KIRREL3: variants seen among roughly 807,000 people sequenced by gnomAD.
KIRREL3 encodes kin of IRRE-like protein 3.
KIRREL3 carries 36 observed loss-of-function variants against 89.7 expected under a neutral mutation model. That is an observed-to-expected ratio of 0.40 (90% CI 0.31 to 0.53). The LOEUF (loss-of-function observed/expected upper bound fraction) is 0.53, where lower values mean the gene tolerates loss of function less well. KIRREL3 is among the 20% of genes least tolerant of loss of function. The pLI, the probability that KIRREL3 is intolerant of heterozygous loss-of-function variation, is 0.49. For missense variants in KIRREL3, 864 were observed against 1,056.6 expected, an observed-to-expected ratio of 0.82 and a Z score of 2.53; for synonymous variants, 445 against 441.4, an observed-to-expected ratio of 1.01 and a Z score of -0.10.
rs1170219377 is a variant in KIRREL3, at chr11:126,814,661, C to T, written c.55+185794G>A. Among the ~76,000 whole-genome samples, 1 of 152,174 alleles carries T rather than the reference C, an allele frequency of 6.6e-6. No individual in the cohort carries two copies. Among genetic ancestry groups the T allele is most frequent in the Non-Finnish European group, 1.5e-5 (1 of 68,038 alleles). On this transcript the variant is annotated intron_variant, in intron 1 of 16. Transcript: ENST00000525144. The surrounding 1 kb of genome is among the most constrained non-coding windows in gnomAD (Gnocchi z 4.4). ...GAAGCCATTATCCTCAGTAAACTAA[C>T]ACAGGAACAGAAAACCAAACACTGC...
rs573711210 is a variant in KIRREL3, at chr11:126,917,085, T to C, written c.55+83370A>G. ...CTAACAGATGAATGCAAACACAAAATATGATATAGTCACACAATGGAATAT... is the reference window on the plus strand; with the variant it reads ...CTAACAGATGAATGCAAACACAAAACATGATATAGTCACACAATGGAATAT... On this transcript the variant is annotated intron_variant, in intron 1 of 16. Transcript: ENST00000525144. This position sits in a 1 kb window ranked among gnomAD's most constrained non-coding sequence, Gnocchi z 5.0. Among the ~76,000 whole-genome samples the C allele has an allele frequency of 2.7e-4, 41 of 152,272 alleles. 1 individual carries two copies. The South Asian group carries it at 8.3e-3, about 31-fold the overall frequency.
intron 7 of KIRREL3, among the ~76,000 whole-genome samples, chr11:126,451,313 T>TTA (rs1165147958): frequency 1.9e-4 from 21 of 109,890 alleles, no homozygotes; most frequent in African/African-American, 5.8e-4. Context: ...TGTGTGTGCA[T>TTA]GTGGTTGTGT....
rs564720252 is a variant in KIRREL3, at chr11:126,643,223, T to C, written c.56-80311A>G. Among the ~76,000 whole-genome samples, 2 of 152,342 alleles carry C rather than the reference T, an allele frequency of 1.3e-5. No homozygotes were observed. Among genetic ancestry groups the C allele is most frequent in the South Asian group, 2.1e-4 (1 of 4,828 alleles). Reference sequence around the variant, plus strand: ...TGGTATCTATTTCATAGGGTTAACATGGGAATTAAAGAAGATAATGCATAT... The same window carrying C: ...TGGTATCTATTTCATAGGGTTAACACGGGAATTAAAGAAGATAATGCATAT... On this transcript the variant is annotated intron_variant, in intron 1 of 16. Transcript: ENST00000525144. The surrounding 1 kb of genome is among the most constrained non-coding windows in gnomAD (Gnocchi z 4.5).
At chr11:126,840,491 C>T (rs961075587) in intron 1 of KIRREL3, among the ~76,000 whole-genome samples, 2 of 152,140 alleles carry the variant, frequency 1.3e-5, no homozygotes, top group African/African-American at 4.8e-5. Flanking sequence ...TATAAACTTC[C>T]TCCAAAAGGC....
In KIRREL3 at chr11:126,491,745, A is replaced by G. The variant is rs1409857574; in HGVS notation, c.434-18279T>C. 6.6e-6 allele frequency among the ~76,000 whole-genome samples: 1 copy of G among 151,674 alleles called. No individual in the cohort carries two copies. The highest frequency in any genetic ancestry group is 1.5e-5 in the Non-Finnish European group (1 of 67,960). On this transcript the variant is annotated intron_variant, in intron 4 of 16. Coordinates refer to ENST00000525144, the MANE Select transcript of KIRREL3 (RefSeq NM_032531.4). This position sits in a 1 kb window ranked among gnomAD's most constrained non-coding sequence, Gnocchi z 5.5. ...TATACGGAGTCTTGCTCTGTCACCCAAGCTGGAGTTCAGTGGCATGATCTC... is the reference window on the plus strand; with the variant it reads ...TATACGGAGTCTTGCTCTGTCACCCGAGCTGGAGTTCAGTGGCATGATCTC...
chr11:126,557,756 AG>A lies in KIRREL3; in HGVS notation c.133+5078del, dbSNP rs1215550527. On this transcript the variant is annotated intron_variant, in intron 2 of 16. Coordinates refer to ENST00000525144, the MANE Select transcript of KIRREL3 (RefSeq NM_032531.4). The surrounding 1 kb of genome is among the most constrained non-coding windows in gnomAD (Gnocchi z 5.6). ...CTCCCAGGGCTCTGACTCCCCTGTA[AG>A]GCTGGGAAGTGAGGACAGGTGCTGT... Among the ~76,000 whole-genome samples the A allele has an allele frequency of 6.6e-6, 1 of 152,304 alleles. No individual in the cohort carries two copies. Among genetic ancestry groups the A allele is most frequent in the East Asian group, 1.9e-4 (1 of 5,174 alleles).
chr11:126,558,548 G>C lies in KIRREL3; in HGVS notation c.133+4287C>G, dbSNP rs1235426796. Among the ~76,000 whole-genome samples, 1 of 152,144 alleles carries C rather than the reference G, an allele frequency of 6.6e-6. No homozygotes were observed. The highest frequency in any genetic ancestry group is 2.4e-5 in the African/African-American group (1 of 41,426). On this transcript the variant is annotated intron_variant, in intron 2 of 16. Transcript: ENST00000525144. This position sits in a 1 kb window ranked among gnomAD's most constrained non-coding sequence, Gnocchi z 4.0. ...TTCCAGCCACTTCATATGGGCCCCG[G>C]GCAAGTTGCTGCATGCTCTTGGGCC...
At chr11:126,472,928 T>C in intron 5 of KIRREL3, among the ~76,000 whole-genome samples, 1 of 104,776 alleles carries the variant, frequency 9.5e-6, no homozygotes, top group Non-Finnish European at 1.9e-5. Context: ...CAGCCCCCAT[T>C]ATCCCCCCTC....
rs532261705 is a variant in KIRREL3 at position 126,748,558 on chromosome 11, T to C, written c.56-185646A>G. ...CAAGTGCTTAGGCAGGGACCATTAA[T>C]ATTGTTGAAGGGCAAGGGCGGGGCA... On this transcript the variant is annotated intron_variant, in intron 1 of 16. Coordinates refer to ENST00000525144, the MANE Select transcript of KIRREL3 (RefSeq NM_032531.4). This position sits in a 1 kb window ranked among gnomAD's most constrained non-coding sequence, Gnocchi z 4.6. 6.6e-6 allele frequency among the ~76,000 whole-genome samples: 1 copy of C among 152,172 alleles called. No individual in the cohort carries two copies. Among genetic ancestry groups the C allele is most frequent in the South Asian group, 2.1e-4 (1 of 4,804 alleles).
rs1012623949 is a variant in KIRREL3, at chr11:126,867,951, A to G, written c.55+132504T>C. ...GAGCTAGACATGCAATAGGCATTCA[A>G]TATAAACTTGATCATTCATTGATTG... is the stretch of plus-strand genomic sequence containing the variant. On this transcript the variant is annotated intron_variant, in intron 1 of 16. Transcript: ENST00000525144. The surrounding 1 kb of genome is among the most constrained non-coding windows in gnomAD (Gnocchi z 4.7). Among the ~76,000 whole-genome samples the G allele has an allele frequency of 2.0e-5, 3 of 151,834 alleles. No individual in the cohort carries two copies. The highest frequency in any genetic ancestry group is 2.9e-5 in the Non-Finnish European group (2 of 67,986).
chr11:126,772,591 G>A lies in KIRREL3; in HGVS notation c.56-209679C>T, dbSNP rs1393796625. Among the ~76,000 whole-genome samples, 5 of 152,176 alleles carry A rather than the reference G, an allele frequency of 3.3e-5. No individual in the cohort carries two copies. The highest frequency in any genetic ancestry group is 4.8e-5 in the African/African-American group (2 of 41,450). On this transcript the variant is annotated intron_variant, in intron 1 of 16. Coordinates refer to ENST00000525144, the MANE Select transcript of KIRREL3 (RefSeq NM_032531.4). The surrounding 1 kb of genome is among the most constrained non-coding windows in gnomAD (Gnocchi z 4.6). ...GGAAGGGCAGATGAGCAGAATCAAC[G>A]TGGGCAGGAAAGAGCAAAGGCAAGT...
Position 126,587,064 on chromosome 11 carries a change from G to T in KIRREL3, c.56-24152C>A, listed in dbSNP as rs1392924181. Among the ~76,000 whole-genome samples the T allele has an allele frequency of 2.0e-5, 3 of 152,168 alleles. No individual in the cohort carries two copies. ...CAGGGAGCTGGGAGTCAGTGGGAGA[G>T]ATGAATAAACAGGCAACGACGATGC... On this transcript the variant is annotated intron_variant, in intron 1 of 16. Coordinates refer to ENST00000525144, the MANE Select transcript of KIRREL3 (RefSeq NM_032531.4). This position sits in a 1 kb window ranked among gnomAD's most constrained non-coding sequence, Gnocchi z 5.2.
chr11:126,617,321 T>C (rs1267367545), intron 1 of KIRREL3, among the ~76,000 whole-genome samples: 3 of 152,178 alleles, frequency 2.0e-5, no homozygotes, highest in Non-Finnish European at 4.4e-5. Context: ...CTTATAACTC[T>C]GAGGGGCAGG....
intron 1 of KIRREL3, among the ~76,000 whole-genome samples, chr11:126,725,941 G>A (rs555754520): frequency 6.6e-6 from 1 of 152,356 alleles, no homozygotes; most frequent in Admixed American, 6.5e-5. Context: ...GGTGATGTAA[G>A]TTTTCCAATC....
chr11:126,897,146 C>G lies in KIRREL3; in HGVS notation c.55+103309G>C, dbSNP rs1023447469. Among the ~76,000 whole-genome samples the G allele has an allele frequency of 6.6e-6, 1 of 152,150 alleles. No individual in the cohort carries two copies. Among genetic ancestry groups the G allele is most frequent in the Non-Finnish European group, 1.5e-5 (1 of 68,038 alleles). ...AACTCCACAACTAAAGCAAACCCTTCTGGTCACCCTGGGTCAGAGGAGCAC... is the reference window on the plus strand; with the variant it reads ...AACTCCACAACTAAAGCAAACCCTTGTGGTCACCCTGGGTCAGAGGAGCAC... On this transcript the variant is annotated intron_variant, in intron 1 of 16. Transcript: ENST00000525144. This position sits in a 1 kb window ranked among gnomAD's most constrained non-coding sequence, Gnocchi z 4.2.
chr11:126,637,589 G>T (rs1944316182), intron 1 of KIRREL3, among the ~76,000 whole-genome samples: 1 of 152,188 alleles, frequency 6.6e-6, no homozygotes, highest in African/African-American at 2.4e-5. Context: ...AGAAAAAAAT[G>T]ACTCATCTAA....
At position 126,694,308 on chromosome 11, in the gene KIRREL3, ATC is replaced by A. The variant is rs958382313; in HGVS notation, c.56-131398_56-131397del. Among the ~76,000 whole-genome samples the A allele has an allele frequency of 3.3e-5, 5 of 152,220 alleles. No homozygotes were observed. Among genetic ancestry groups the A allele is most frequent in the African/African-American group, 4.8e-5 (2 of 41,466 alleles). On this transcript the variant is annotated intron_variant, in intron 1 of 16. Transcript: ENST00000525144. The surrounding 1 kb of genome is among the most constrained non-coding windows in gnomAD (Gnocchi z 4.4). ...CTTGTTTTATTGCTTATTTATGGGA[ATC>A]TATTTAAAGTGAATTGCACTTTTCC...
rs756545626 is a variant in KIRREL3 at position 126,821,351 on chromosome 11, A to ATATGTGTG, written c.55+179103_55+179104insCACACATA. 1.0e-4 allele frequency among the ~76,000 whole-genome samples: 11 copies of ATATGTGTG among 105,172 alleles called. No homozygotes were observed. The South Asian group carries it at 2.4e-3, about 23-fold the overall frequency. 69.0% of individuals were successfully genotyped at this position (105,172 alleles called of 152,430 possible). ...ACAGTATATATATATATATATATAT[A>ATATGTGTG]TGTAACTTCCAACCAACATCCCTTC... On this transcript the variant is annotated intron_variant, in intron 1 of 16. Transcript: ENST00000525144.
intron 1 of KIRREL3, among the ~76,000 whole-genome samples, chr11:126,835,686 T>C (rs2134503616): frequency 6.6e-6 from 1 of 152,312 alleles, no homozygotes; most frequent in Non-Finnish European, 1.5e-5. Flanking sequence ...GGAGTGTACC[T>C]AGGAGATGGG....
Sources: gnomAD v4.1 joint callset for allele counts (sites outside exome capture counted in the v4.1 genomes callset) on GRCh38, gnomAD v4.1.1 for gene constraint, Gnocchi (gnomAD v3.1) non-coding constraint, MANE v1.5 for transcripts, NCBI Gene and HGNC (gene_info 2026-07-23, HGNC 2026-07-21) for gene names.